Variants in ECD observed in about 807,000 individuals in gnomAD.
ECD encodes the protein ecdysoneless cell cycle regulator, also known as protein ecdysoneless homolog.
ECD carries 59 observed loss-of-function variants against 77.2 expected under a neutral mutation model. The ratio of observed to expected loss-of-function variants is 0.76; its 90% CI spans 0.62 to 0.95. The LOEUF (loss-of-function observed/expected upper bound fraction) is 0.95. ECD is among the 40% of genes least tolerant of loss of function. The pLI, the probability that ECD is intolerant of heterozygous loss-of-function variation, is 0.00. For synonymous variants in ECD, 233 were observed against 267.4 expected, an observed-to-expected ratio of 0.87 and a Z score of 1.26; for missense variants, 704 against 763.4, an observed-to-expected ratio of 0.92 and a Z score of 0.92.
chr10:73,167,367 ATACCTCTTAATTTTCTAAGGGTTTTCCT>A (rs1843495152), intron 1 of ECD, among the ~76,000 whole-genome samples: 1 of 152,156 alleles, frequency 6.6e-6, no homozygotes, highest in African/African-American at 2.4e-5. Context: ...GGTTGCATTG[ATACCTCTTAATTTTCTAAGGGTTTTCCT>A]TATCTCTTAA....
chr10:73,134,917 A>G (rs1044730120), intron 13 of ECD, 104 bp from the exon 14 acceptor site: 2 of 996,580 alleles, frequency 2.0e-6, no homozygotes, highest in African/African-American at 1.6e-5. Flanking sequence ...TTGCATTCCA[A>G]ATTAAAAAGG....
Position 73,148,372 on chromosome 10 carries a change from A to G in ECD, c.945T>C (p.Cys315=), listed in dbSNP as rs1843155469. 6.2e-7 allele frequency: 1 copy of G among 1,613,856 alleles called. No homozygotes were observed. Among genetic ancestry groups the G allele is most frequent in the Admixed American group, 1.7e-5 (1 of 60,004 alleles). The part of the protein sequence containing the change: ...AHGFEILCSK[C]SPHFSDCKKS... ...TCTTGCAGTCAGAAAAATGTGGGCT[A>G]CATTTGGAGCATAAGATCTCAAATC... Residue 315 remains cysteine (C), a synonymous_variant, in exon 8 of 14, where the codon TGT becomes TGC. Transcript: ENST00000372979.
chr10:73,142,531 G>C (rs746495346), intron 9 of ECD, among the ~76,000 whole-genome samples: 1 of 151,422 alleles, frequency 6.6e-6, no homozygotes, highest in Non-Finnish European at 1.5e-5. Flanking sequence ...CTACTCAGGA[G>C]GCTGAGGCAG....
Position 73,139,428 on chromosome 10 carries a change from T to C in ECD, c.1302A>G (p.Lys434=). The part of the protein sequence containing the change: ...DQLLQEAVGK[K]ESESVSKEEK... ...CCTCCTTGGAAACAGACTCGGATTCTTTTTTGCCAACAGCTTCCTGCAGCA... is the reference window on the plus strand; with the variant it reads ...CCTCCTTGGAAACAGACTCGGATTCCTTTTTGCCAACAGCTTCCTGCAGCA... Residue 434 remains lysine, a synonymous_variant, in exon 11 of 14, where the codon AAA becomes AAG. Coordinates refer to ENST00000372979, the MANE Select transcript of ECD (RefSeq NM_007265.3). 6.2e-7 allele frequency: 1 copy of C among 1,614,156 alleles called. No homozygotes were observed. The highest frequency in any genetic ancestry group is 2.2e-5 in the East Asian group (1 of 44,884).
At chr10:73,160,322 G>A in intron 3 of ECD, 112 bp downstream of exon 3, 2 of 632,684 alleles carry the variant, frequency 3.2e-6, no homozygotes, top group Non-Finnish European at 2.5e-6. Flanking sequence ...ATTAAAATCT[G>A]TACAATTTCC....
chr10:73,148,544 T>C, intron 7 of ECD, 140 bp from the exon 8 acceptor site: 1 of 871,994 alleles, frequency 1.1e-6, no homozygotes. Flanking sequence ...TATAACACTT[T>C]TTGAATTTTA....
chr10:73,139,170 C>G (rs950048265), intron 11 of ECD, 139 bp downstream of exon 11: 12 of 777,330 alleles, frequency 1.5e-5, no homozygotes, highest in Non-Finnish European at 2.3e-5. Flanking sequence ...TAAGTTATCA[C>G]TATACTAGGC....
intron 10 of ECD, 59 bp downstream of exon 10, chr10:73,139,572 G>A (rs1169287104): frequency 2.5e-6 from 4 of 1,584,838 alleles, no homozygotes; most frequent in Non-Finnish European, 3.4e-6. Context: ...GTGAGACTGA[G>A]TAGAACATTT....
chr10:73,134,738 C>T lies in ECD; in HGVS notation c.1780G>A (p.Val594Ile), dbSNP rs769855078. 21 of 1,614,132 alleles carry T rather than the reference C, an allele frequency of 1.3e-5. 1 individual carries two copies. The South Asian group carries it at 2.3e-4, about 18-fold the overall frequency. The change falls in exon 14 of 14, where the codon GTA becomes ATA. Residue 594 changes from valine (V) to isoleucine (I), a missense_variant. Coordinates refer to ENST00000372979, the MANE Select transcript of ECD (RefSeq NM_007265.3). ...GAAACCAGGTTCAGGTCTACATCTA[C>T]TGGTGCCATAACAGATTCTCCCGTA... The part of the protein sequence containing the change: ...SGTGESVMAP[V>I]DVDLNLVSNI...
chr10:73,156,615 C>A lies in ECD; in HGVS notation c.364G>T (p.Ala122Ser), dbSNP rs766079576. The A allele has an allele frequency of 5.6e-6, 9 of 1,613,968 alleles. No individual in the cohort carries two copies. Among genetic ancestry groups the A allele is most frequent in the Middle Eastern group, 1.7e-4 (1 of 5,916 alleles). The change falls in exon 4 of 14, where the codon GCT becomes TCT. Residue 122 changes from alanine (A) to serine (S), a missense_variant. Around this residue, in one of 3 missense-constraint regions of ECD, gnomAD observed 559 missense variants for 583.7 expected, o/e 0.96. Transcript: ENST00000372979. Reference protein sequence around the residue: ...NDGEFLLIEAADFLPKWLDPE... With the variant: ...NDGEFLLIEASDFLPKWLDPE... The stretch of plus-strand genomic sequence containing the variant: ...TCCAGCCATTTAGGGAGAAAGTCAG[C>A]AGCTTCTATTAACAAGAATTCACCA...
intron 7 of ECD, 92 bp from the exon 8 acceptor site, chr10:73,148,496 T>C: frequency 2.2e-6 from 3 of 1,385,604 alleles, no homozygotes; most frequent in East Asian, 2.4e-5. Flanking sequence ...AGCCACACTC[T>C]AGAACTAGAT....
chr10:73,146,556 T>C (rs1347111975), intron 8 of ECD, among the ~76,000 whole-genome samples, 195 bp from the exon 9 acceptor site: 1 of 152,214 alleles, frequency 6.6e-6, no homozygotes, highest in African/African-American at 2.4e-5. Flanking sequence ...CGCGGCTAGA[T>C]GTAGTGATTC....
Position 73,139,330 on chromosome 10 carries a change from T to A in ECD, c.1400A>T (p.His467Leu), listed in dbSNP as rs1302469047. Reference protein sequence around the residue: ...MKAFISKVSTHKGAELPREPS... With the variant: ...MKAFISKVSTLKGAELPREPS... ...TTACCGAGGCAGCTCTGCTCCCTTG[T>A]GGGTTGAGACTTTGGATATGAAAGC... The change falls in exon 11 of 14, where the codon CAC becomes CTC. Residue 467 changes from histidine to leucine, a missense_variant. By Grantham distance (99) the His-to-Leu change is moderately conservative. Coordinates refer to ENST00000372979, the MANE Select transcript of ECD (RefSeq NM_007265.3). 1 of 1,613,502 alleles carries A rather than the reference T, an allele frequency of 6.2e-7. No individual in the cohort carries two copies. The highest frequency in any genetic ancestry group is 8.5e-7 in the Non-Finnish European group (1 of 1,179,834).
At chr10:73,146,492 C>A in intron 8 of ECD, 131 bp from the exon 9 acceptor site, 1 of 459,616 alleles carries the variant, frequency 2.2e-6, no homozygotes, top group Admixed American at 3.5e-5. Flanking sequence ...AGTCCTAGGC[C>A]CTGTTTTATC....
In ECD at chr10:73,134,385, T is replaced by TCTACCCTGTTGAGTTATACA. The variant is rs1375160188; in HGVS notation, c.*197_*198insTGTATAACTCAACAGGGTAG. ...GGGGCTAGATTCTACCCTGCCGAGTTCAAAACCTGTGTATAACCCACAGCT... is the reference window on the plus strand; with the variant it reads ...GGGGCTAGATTCTACCCTGCCGAGTTCTACCCTGTTGAGTTATACACAAAACCTGTGTATAACCCACAGCT... On this transcript the variant is annotated 3_prime_UTR_variant, in exon 14 of 14. Coordinates refer to ENST00000372979, the MANE Select transcript of ECD (RefSeq NM_007265.3). The TCTACCCTGTTGAGTTATACA allele has an allele frequency of 6.9e-6, 4 of 580,104 alleles. No individual in the cohort carries two copies. Among genetic ancestry groups the TCTACCCTGTTGAGTTATACA allele is most frequent in the Non-Finnish European group, 1.2e-5 (4 of 330,470 alleles). The allele number at this position is 580,104 out of a possible 1,614,324, so 35.9% of individuals were successfully genotyped here.
chr10:73,151,937 A>T (rs1208626912), intron 7 of ECD, among the ~76,000 whole-genome samples: 1 of 152,154 alleles, frequency 6.6e-6, no homozygotes, highest in Non-Finnish European at 1.5e-5. Flanking sequence ...TCTTCCCTTT[A>T]TAGCTTCTGG....
chr10:73,147,995 T>C (rs1229500028), intron 8 of ECD, among the ~76,000 whole-genome samples: 1 of 152,226 alleles, frequency 6.6e-6, no homozygotes, highest in African/African-American at 2.4e-5. Context: ...TATCTGGTGT[T>C]TTCATGTTTG....
chr10:73,157,821 C>T (rs191908869), intron 3 of ECD, among the ~76,000 whole-genome samples: 381 of 152,048 alleles, frequency 2.5e-3, no homozygotes, highest in African/African-American at 8.7e-3. Context: ...GTATATCCTT[C>T]TAGAGTTTGC....
chr10:73,168,056 C>T (rs1843522351), upstream of ECD: 1 of 482,258 alleles, frequency 2.1e-6, no homozygotes, highest in Middle Eastern at 5.6e-4. Flanking sequence ...TCCCCGAAAC[C>T]TTGTGTGTCG....
Sources: gnomAD v4.1 joint callset for allele counts (sites outside exome capture counted in the v4.1 genomes callset) on GRCh38, gnomAD v4.1.1 for gene constraint, gnomAD v4.1.1 regional missense constraint, MANE v1.5 for transcripts, NCBI Gene and HGNC (gene_info 2026-07-23, HGNC 2026-07-21) for gene names.